The following POLR1C variants were observed in gnomAD, a reference collection of about 807,000 sequenced individuals.
POLR1C encodes the protein DNA-directed RNA polymerases I and III subunit RPAC1.
A neutral mutation model predicts 38.3 loss-of-function variants in POLR1C; 42 were observed. That is an observed-to-expected ratio of 1.10 (90% CI 0.86 to 1.42). The LOEUF is 1.42. Among genes scored for constraint, POLR1C ranks in the 40% most tolerant of loss-of-function variants. The probability of loss-of-function intolerance (pLI) is 0.00; values close to 1 mark genes in which losing one functional copy is unlikely to be tolerated. For synonymous variants in POLR1C, 163 were observed against 163.9 expected (o/e 0.99, Z 0.04); for missense variants, 507 against 450.5 (o/e 1.13, Z -1.14).
chr6:43,556,666 G>A (rs898645816), intron 10 of POLR1C, among the ~76,000 whole-genome samples: 3 of 151,994 alleles, frequency 2.0e-5, no homozygotes, highest in Admixed American at 2.0e-4. Flanking sequence ...TCTACTCCTA[G>A]TTATATATCT....
At chr6:43,547,801 T>G in intron 9 of POLR1C, 1 of 1,052,216 alleles carries the variant, frequency 9.5e-7, no homozygotes, top group Non-Finnish European at 1.4e-6. Flanking sequence ...TATTTGGCCC[T>G]TAAGAGCAGT....
chr6:43,531,525 C>T (rs377196219), downstream of POLR1C: 1,568 of 1,613,914 alleles, frequency 9.7e-4, 30 homozygotes, highest in South Asian at 0.016. Flanking sequence ...CTTTCCAAGA[C>T]GGTTTTGAAG....
At position 43,520,740 on chromosome 6, in the gene POLR1C, C is replaced by G. The variant is rs776376952; in HGVS notation, c.771C>G (p.Phe257Leu). Residue 257 changes from phenylalanine to leucine, a missense_variant, in exon 7 of 9, where the codon TTC becomes TTG. By Grantham distance (22) the Phe-to-Leu change is conservative. Transcript: ENST00000642195. ...CAGCTGAGGAGTTGAGCAGGTGCTTCTCACCTGGTGTTATTGAGGTGCAGG... is the reference window on the plus strand; with the variant it reads ...CAGCTGAGGAGTTGAGCAGGTGCTTGTCACCTGGTGTTATTGAGGTGCAGG... ...GEAAEELSRCFSPGVIEVQEV... is the reference protein window; with the variant it reads ...GEAAEELSRCLSPGVIEVQEV... The G allele has an allele frequency of 1.9e-6, 3 of 1,614,042 alleles. No homozygotes were observed. The highest frequency in any genetic ancestry group is 2.5e-6 in the Non-Finnish European group (3 of 1,179,964).
At chr6:43,524,975 A>G (rs1045467476), downstream of POLR1C, 4 of 1,612,402 alleles carry the variant, frequency 2.5e-6, no homozygotes, top group Non-Finnish European at 3.4e-6. Context: ...GCACCTGGGG[A>G]GACAACTGTG....
chr6:43,548,563 A>C (rs1310761858), intron 9 of POLR1C: 4 of 1,073,816 alleles, frequency 3.7e-6, no homozygotes, highest in Admixed American at 3.1e-5. Context: ...CAGTCCCAGG[A>C]AAGTCAGGCC....
downstream of POLR1C, chr6:43,522,606 C>G (rs1420697369): frequency 1.6e-5 from 6 of 380,714 alleles, no homozygotes; most frequent in Non-Finnish European, 3.5e-5. Context: ...ACACAAGACT[C>G]CCAACTTCTG....
downstream of POLR1C, chr6:43,533,871 G>C (rs1381492923): frequency 1.3e-6 from 2 of 1,501,556 alleles, no homozygotes; most frequent in African/African-American, 1.4e-5. Context: ...TTAGGGATAA[G>C]ATAAACCTTA....
intron 8 of POLR1C, chr6:43,527,557 C>CT (rs1456576244): frequency 6.2e-6 from 9 of 1,454,110 alleles, no homozygotes; most frequent in Non-Finnish European, 7.7e-6. Context: ...TTAGTCAGGC[C>CT]TTCATGGAGT....
chr6:43,528,634 C>T (rs372030185), intron 8 of POLR1C, among the ~76,000 whole-genome samples: 1 of 152,134 alleles, frequency 6.6e-6, no homozygotes, highest in East Asian at 1.9e-4. Flanking sequence ...TGTCTTGTGG[C>T]AATTAAATCA....
In POLR1C at chr6:43,553,676, T is replaced by C. The variant is rs578177409; in HGVS notation, c.*48+2665T>C. On this transcript the variant is annotated intron_variant, in intron 10 of 10. Transcript: ENST00000607635. ...CTCAGCTGGGGCAAAGAAAAGATGATGTGTGCTGAAAGCAATGAGGTAGGT... is the reference window on the plus strand; with the variant it reads ...CTCAGCTGGGGCAAAGAAAAGATGACGTGTGCTGAAAGCAATGAGGTAGGT... 55 of 1,367,282 alleles carry C rather than the reference T, an allele frequency of 4.0e-5. No homozygotes were observed. The African/African-American group carries it at 7.7e-4, about 19-fold the overall frequency. 84.7% of individuals were successfully genotyped at this position (1,367,282 alleles called of 1,614,324 possible).
chr6:43,542,455 G>A (rs936584908), intron 9 of POLR1C, among the ~76,000 whole-genome samples: 1 of 151,948 alleles, frequency 6.6e-6, no homozygotes, highest in East Asian at 1.9e-4. Context: ...TGTTGCCCAG[G>A]CTGGAGTACG....
At chr6:43,522,137 G>A (rs1202005261), downstream of POLR1C, among the ~76,000 whole-genome samples, 1 of 151,628 alleles carries the variant, frequency 6.6e-6, no homozygotes, top group Non-Finnish European at 1.5e-5. Context: ...GAAAGACACT[G>A]TGAGAATGGT....
downstream of POLR1C, chr6:43,525,316 C>T (rs73733564): frequency 7.6e-3 from 8,542 of 1,127,846 alleles, 513 homozygotes; most frequent in African/African-American, 0.12. Flanking sequence ...TTTTCCTCCC[C>T]CCCTCTAAAG....
rs761119911 is a variant in POLR1C at position 43,560,937 on chromosome 6, G to T, written c.*49-463G>T. 4.3e-6 allele frequency: 7 copies of T among 1,613,728 alleles called. No homozygotes were observed. The African/African-American group carries it at 8.0e-5, about 18-fold the overall frequency. On this transcript the variant is annotated intron_variant, in intron 10 of 10. Coordinates refer to the POLR1C transcript ENST00000607635. ...TATAAAGTTTACCTGACTTGGATGG[G>T]TTGTGAAAGCAAGAAAAGATTCCAG...
downstream of POLR1C, chr6:43,524,686 C>T: frequency 1.3e-6 from 2 of 1,595,946 alleles, no homozygotes; most frequent in Non-Finnish European, 1.7e-6. Context: ...ATATTGCCAC[C>T]CTCCCCATTT....
chr6:43,518,895 T>C (rs1018063233), intron 2 of POLR1C, among the ~76,000 whole-genome samples: 5 of 152,182 alleles, frequency 3.3e-5, no homozygotes, highest in Admixed American at 3.3e-4. Context: ...CTGGCCAGGC[T>C]GGTCTCAAAC....
rs200712637 is a variant in POLR1C, at chr6:43,520,606, G to A, written c.656-19G>A. 166 of 1,614,084 alleles carry A rather than the reference G, an allele frequency of 1.0e-4. No individual in the cohort carries two copies. The highest frequency in any genetic ancestry group is 6.6e-4 in the Middle Eastern group (4 of 6,062). ...CCCTAGAAGGGTTTCCTATAGGCAC[G>A]TTCCCTCTTCCTCTCCAGGCAAAGA... On this transcript the variant is annotated intron_variant, in intron 6 of 8. Transcript: ENST00000642195.
downstream of POLR1C, chr6:43,530,563 C>G (rs990717056): frequency 8.5e-6 from 10 of 1,175,690 alleles, no homozygotes; most frequent in African/African-American, 3.1e-5. Context: ...ACATGATACA[C>G]TTAGATACAT....
exon 11 of POLR1C, chr6:43,562,218 A>C: frequency 4.5e-6 from 7 of 1,567,684 alleles, no homozygotes; most frequent in Non-Finnish European, 6.1e-6. Context: ...ATGGGCTTGA[A>C]GCTCTCCAGA....
Sources: allele counts gnomAD v4.1 joint callset (sites outside exome capture counted in the v4.1 genomes callset), GRCh38; gene constraint gnomAD v4.1.1; transcripts MANE v1.5; gene names NCBI Gene and HGNC (gene_info 2026-07-23, HGNC 2026-07-21).